FNIP1: variants seen among roughly 807,000 people sequenced by gnomAD.
The protein encoded by FNIP1 is folliculin-interacting protein 1.
In FNIP1, 40 loss-of-function variants were observed where a neutral mutation model predicts 124.5. The observed-to-expected ratio is 0.32, with a 90% CI of 0.25 to 0.42. The LOEUF (loss-of-function observed/expected upper bound fraction) is 0.42. Among genes scored for constraint, FNIP1 ranks in the 10% least tolerant of loss-of-function variants. The pLI, the probability that FNIP1 is intolerant of heterozygous loss-of-function variation, is 1.00. For synonymous variants in FNIP1, 472 were observed against 470.6 expected (o/e 1.00, Z -0.04); for missense variants, 1,176 against 1,403.7 (o/e 0.84, Z 2.59).
intron 1 of FNIP1, among the ~76,000 whole-genome samples, chr5:131,762,267 A>T (rs1281774807): frequency 6.6e-6 from 1 of 152,218 alleles, no homozygotes; most frequent in Non-Finnish European, 1.5e-5. Context: ...AGTTATAAAA[A>T]GTTTCTGCAC....
chr5:131,748,714 A>G (rs1209112290), intron 1 of FNIP1, among the ~76,000 whole-genome samples: 4 of 151,724 alleles, frequency 2.6e-5, no homozygotes, highest in Admixed American at 2.0e-4. Context: ...AAAAAGAAAA[A>G]AAAAAAAAAA....
intron 15 of FNIP1, among the ~76,000 whole-genome samples, chr5:131,660,705 T>G (rs1204658100): frequency 6.6e-6 from 1 of 152,144 alleles, no homozygotes; most frequent in East Asian, 1.9e-4. Context: ...AATACCATAG[T>G]CTTTATGCAG....
intron 6 of FNIP1, among the ~76,000 whole-genome samples, chr5:131,715,831 A>G (rs181776022): frequency 1.3e-5 from 2 of 151,988 alleles, no homozygotes. Context: ...CTACTAATAT[A>G]TAACAAATAT....
intron 1 of FNIP1, among the ~76,000 whole-genome samples, chr5:131,751,601 A>G (rs554152102): frequency 1.9e-4 from 29 of 152,244 alleles, no homozygotes; most frequent in African/African-American, 6.7e-4. Context: ...GAAAAAACAA[A>G]TGTGCTTTCT....
chr5:131,671,351 A>G (rs1767742451), intron 14 of FNIP1, among the ~76,000 whole-genome samples, 154 bp downstream of exon 14: 1 of 152,224 alleles, frequency 6.6e-6, no homozygotes, highest in Middle Eastern at 3.2e-3. Flanking sequence ...TCTGGAGCTT[A>G]GCCTTTACTC....
intron 7 of FNIP1, 44 bp from the exon 8 acceptor site, chr5:131,709,316 T>C (rs760993242): frequency 1.3e-6 from 2 of 1,516,700 alleles, no homozygotes; most frequent in South Asian, 2.3e-5. Context: ...TATATTGCTA[T>C]TCAGGTGGAT....
At chr5:131,796,537 CGCGGT>C (rs1394647593) in intron 1 of FNIP1, 3 of 440,506 alleles carry the variant, frequency 6.8e-6, no homozygotes, top group African/African-American at 4.1e-5. Flanking sequence ...AGTCTCAGGC[CGCGGT>C]GCTAGGTCCG....
chr5:131,752,220 T>A (rs993321176), intron 1 of FNIP1, among the ~76,000 whole-genome samples: 2 of 152,092 alleles, frequency 1.3e-5, no homozygotes, highest in Non-Finnish European at 2.9e-5. Context: ...ATTTTTTGTA[T>A]TTTTAGTAGA....
At chr5:131,688,436 C>T (rs1476243582) in intron 11 of FNIP1, among the ~76,000 whole-genome samples, 1 of 151,766 alleles carries the variant, frequency 6.6e-6, no homozygotes, top group Non-Finnish European at 1.5e-5. Context: ...TTCCTATATC[C>T]TAATACATCA....
intron 8 of FNIP1, among the ~76,000 whole-genome samples, chr5:131,706,811 C>A (rs1447979156): frequency 6.6e-6 from 1 of 152,164 alleles, no homozygotes; most frequent in Non-Finnish European, 1.5e-5. Context: ...TTATACTTTG[C>A]AACAAGGCAT....
chr5:131,671,440 C>A (rs912521680), intron 14 of FNIP1, 65 bp downstream of exon 14: 3 of 1,265,450 alleles, frequency 2.4e-6, no homozygotes, highest in South Asian at 1.4e-5. Context: ...CTTCAGAGAA[C>A]AGCTAAAAAA....
At position 131,670,633 on chromosome 5, in the gene FNIP1, T is replaced by C; in HGVS notation, c.2940-2A>G. ...GCACTCACTTCGATTAACTTTGACC[T>C]GGAAGAAAAATGCCCCCAAAAGACA... On this transcript the variant is annotated splice_acceptor_variant, in intron 14 of 17. Coordinates refer to ENST00000510461, the MANE Select transcript of FNIP1 (RefSeq NM_133372.3). LOFTEE classifies it high-confidence loss of function. 1.3e-6 allele frequency: 2 copies of C among 1,579,936 alleles called. No individual in the cohort carries two copies. The highest frequency in any genetic ancestry group is 2.0e-5 in the Admixed American group (1 of 50,962).
intron 15 of FNIP1, among the ~76,000 whole-genome samples, chr5:131,658,880 T>C (rs1246922825): frequency 1.7e-5 from 2 of 115,792 alleles, no homozygotes; most frequent in Admixed American, 1.2e-4. Flanking sequence ...ACCTTCACTG[T>C]CCCAGTTTTT....
chr5:131,770,768 T>C (rs1339796706), intron 1 of FNIP1, among the ~76,000 whole-genome samples: 1 of 152,210 alleles, frequency 6.6e-6, no homozygotes, highest in African/African-American at 2.4e-5. Flanking sequence ...ACCCTTAGAA[T>C]GTGCATCACA....
rs545238047 is a variant in FNIP1, at chr5:131,720,740, T to C, written c.355-1323A>G. Among the ~76,000 whole-genome samples the C allele has an allele frequency of 2.0e-4, 30 of 152,296 alleles. No homozygotes were observed. In the East Asian group the frequency reaches 4.6e-3, roughly 23 times the overall value. On this transcript the variant is annotated intron_variant, in intron 3 of 17. Coordinates refer to ENST00000510461, the MANE Select transcript of FNIP1 (RefSeq NM_133372.3). ...AGAATTCATACAAATGACCAACTGA[T>C]ACAGGAGAAACGCTCAACATTTCTA... is the stretch of plus-strand genomic sequence containing the variant.
intron 3 of FNIP1, among the ~76,000 whole-genome samples, chr5:131,721,413 T>C (rs779020406): frequency 3.3e-5 from 5 of 152,234 alleles, no homozygotes; most frequent in African/African-American, 9.7e-5. Flanking sequence ...TAGAAATCTA[T>C]AGTGTAACAC....
intron 2 of FNIP1, among the ~76,000 whole-genome samples, chr5:131,737,567 C>T (rs1770355727): frequency 6.6e-6 from 1 of 152,122 alleles, no homozygotes; most frequent in Non-Finnish European, 1.5e-5. Context: ...TCTTGATCTC[C>T]CTAGACTAAA....
intron 10 of FNIP1, among the ~76,000 whole-genome samples, chr5:131,703,847 C>T (rs1768984894): frequency 1.3e-5 from 2 of 152,138 alleles, no homozygotes; most frequent in Admixed American, 1.3e-4. Flanking sequence ...TTTAGTCCCT[C>T]AAATATTTAT....
At chr5:131,730,355 T>C (rs554939150) in intron 3 of FNIP1, among the ~76,000 whole-genome samples, 1 of 152,314 alleles carries the variant, frequency 6.6e-6, no homozygotes, top group African/African-American at 2.4e-5. Context: ...AAAATACTTG[T>C]GATTAATGCA....
Sources: gnomAD v4.1 joint callset for allele counts (sites outside exome capture counted in the v4.1 genomes callset) on GRCh38, gnomAD v4.1.1 for gene constraint, MANE v1.5 for transcripts, NCBI Gene and HGNC (gene_info 2026-07-23, HGNC 2026-07-21) for gene names.